Variants in FHOD3 observed in about 807,000 individuals in gnomAD.
FHOD3 encodes the protein FH1/FH2 domain-containing protein 3.
A neutral mutation model predicts 173.0 loss-of-function variants in FHOD3; 90 were observed. That is an observed-to-expected ratio of 0.52 (90% CI 0.44 to 0.62). The LOEUF (loss-of-function observed/expected upper bound fraction) is 0.62, where lower values mean the gene tolerates loss of function less well. FHOD3 is among the 20% of genes least tolerant of loss of function. The pLI, the probability that FHOD3 is intolerant of heterozygous loss-of-function variation, is 0.00. For synonymous variants in FHOD3, 828 were observed against 823.0 expected (o/e 1.01, Z -0.10); for missense variants, 1,945 against 2,034.7 (o/e 0.96, Z 0.85).
chr18:36,455,546 G>A (rs2052140806), intron 3 of FHOD3, among the ~76,000 whole-genome samples: 1 of 148,068 alleles, frequency 6.8e-6, no homozygotes, highest in Non-Finnish European at 1.5e-5. Context: ...CATTTAGACA[G>A]ATGTCGGCAA....
chr18:36,715,882 T>C (rs4799428), intron 18 of FHOD3, among the ~76,000 whole-genome samples: 2,238 of 152,192 alleles, frequency 0.015, 22 homozygotes, highest in Middle Eastern at 0.031. Context: ...ATTAACTAGG[T>C]GTAGTTTATC....
chr18:36,342,840 A>G (rs2045691301), intron 1 of FHOD3, among the ~76,000 whole-genome samples: 1 of 152,206 alleles, frequency 6.6e-6, no homozygotes, highest in Non-Finnish European at 1.5e-5. Flanking sequence ...GACCAATAGC[A>G]CAATTTTAAA....
intron 1 of FHOD3, among the ~76,000 whole-genome samples, chr18:36,344,884 G>C (rs1289544928): frequency 6.6e-6 from 1 of 152,172 alleles, no homozygotes; most frequent in African/African-American, 2.4e-5. Context: ...TAGCATGCCT[G>C]TATTAATAAC....
rs113831893 is a variant in FHOD3, at chr18:36,470,760, G to A, written c.338-31172G>A. Among the ~76,000 whole-genome samples, 209 of 152,356 alleles carry A rather than the reference G, an allele frequency of 1.4e-3. 5 individuals carry two copies. The highest frequency in any genetic ancestry group is 1.1e-3 in the Admixed American group (17 of 15,308). ...CAGGCTCAGCTCAGATTCCCGCTCCGCGCTGGGATATTGAAGTCCTCACTG... is the reference window on the plus strand; with the variant it reads ...CAGGCTCAGCTCAGATTCCCGCTCCACGCTGGGATATTGAAGTCCTCACTG... On this transcript the variant is annotated intron_variant, in intron 3 of 28. Coordinates refer to ENST00000590592, the MANE Select transcript of FHOD3 (RefSeq NM_001281740.3).
intron 10 of FHOD3, among the ~76,000 whole-genome samples, chr18:36,639,473 C>CCATCCTGGCTAA (rs889759910): frequency 6.6e-5 from 10 of 152,034 alleles, no homozygotes; most frequent in Non-Finnish European, 1.0e-4. Flanking sequence ...GAGATCAAGA[C>CCATCCTGGCTAA]CATGGTGAAA....
At position 36,652,471 on chromosome 18, in the gene FHOD3, C is replaced by T. The variant is rs896024207; in HGVS notation, c.1287-99C>T. Reference sequence around the variant, plus strand: ...GACTTTGAAGTGAGTGATAATAGTACAGAAGTGGCTTTTTGCCTGTCTCTC... The same window carrying T: ...GACTTTGAAGTGAGTGATAATAGTATAGAAGTGGCTTTTTGCCTGTCTCTC... On this transcript the variant is annotated intron_variant, in intron 11 of 28. Coordinates refer to ENST00000590592, the MANE Select transcript of FHOD3 (RefSeq NM_001281740.3). 5.9e-6 allele frequency: 8 copies of T among 1,359,934 alleles called. No individual in the cohort carries two copies. In the African/African-American group the frequency reaches 1.2e-4, roughly 20 times the overall value. The allele number at this position is 1,359,934 out of a possible 1,614,324, so 84.2% of individuals were successfully genotyped here.
intron 5 of FHOD3, among the ~76,000 whole-genome samples, chr18:36,516,456 G>A (rs1186078698): frequency 6.6e-6 from 1 of 152,216 alleles, no homozygotes; most frequent in Non-Finnish European, 1.5e-5. Flanking sequence ...GAAGCTCAGA[G>A]TGGCTCTGGA....
chr18:36,505,311 T>C (rs1162325700), intron 4 of FHOD3, among the ~76,000 whole-genome samples: 1 of 152,240 alleles, frequency 6.6e-6, no homozygotes, highest in East Asian at 1.9e-4. Context: ...GTGGCGTAAG[T>C]GTGAACTGTC....
intron 3 of FHOD3, among the ~76,000 whole-genome samples, chr18:36,500,813 G>T (rs1039818735): frequency 1.3e-5 from 2 of 152,210 alleles, no homozygotes; most frequent in Non-Finnish European, 2.9e-5. Context: ...CAGGTTCTCA[G>T]TAAACATGCG....
chr18:36,422,869 G>A (rs543065944), intron 3 of FHOD3, among the ~76,000 whole-genome samples: 6 of 152,290 alleles, frequency 3.9e-5, no homozygotes, highest in African/African-American at 1.2e-4. Flanking sequence ...TGAGCAATCA[G>A]CTGAAAATTT....
chr18:36,385,491 G>T (rs2047985853), intron 3 of FHOD3, among the ~76,000 whole-genome samples: 1 of 152,088 alleles, frequency 6.6e-6, no homozygotes, highest in African/African-American at 2.4e-5. Flanking sequence ...CCACCTCCCA[G>T]GTTCAAGTGA....
chr18:36,633,526 A>G lies in FHOD3; in HGVS notation c.1196+7777A>G, dbSNP rs540311091. On this transcript the variant is annotated intron_variant, in intron 10 of 28. Transcript: ENST00000590592. ...CAATTTTACATGTATTGTAAATTCC[A>G]TGAAGAAGGTAGGAGTATCGTCCCC... Among the ~76,000 whole-genome samples, 13 of 152,292 alleles carry G rather than the reference A, an allele frequency of 8.5e-5. No homozygotes were observed. The East Asian group carries it at 1.2e-3, about 14-fold the overall frequency.
intron 9 of FHOD3, among the ~76,000 whole-genome samples, chr18:36,623,444 C>T (rs2033862639): frequency 6.6e-6 from 1 of 152,128 alleles, no homozygotes; most frequent in Admixed American, 6.5e-5. Flanking sequence ...AAAATGCTGT[C>T]CTTTGTTAGG....
chr18:36,602,812 A>G (rs1357732023), intron 8 of FHOD3, 44 bp downstream of exon 8: 1 of 1,441,216 alleles, frequency 6.9e-7, no homozygotes, highest in Admixed American at 1.7e-5. Context: ...ACCTAAAAAG[A>G]TATGTTAAAG....
intron 1 of FHOD3, among the ~76,000 whole-genome samples, chr18:36,330,362 T>TG (rs2044924290): frequency 6.6e-6 from 1 of 152,246 alleles, no homozygotes. Flanking sequence ...GAAAGCATTC[T>TG]GAGCACTGTC....
chr18:36,364,280 A>G (rs2046781084), intron 2 of FHOD3, among the ~76,000 whole-genome samples: 1 of 152,178 alleles, frequency 6.6e-6, no homozygotes, highest in Admixed American at 6.5e-5. Flanking sequence ...TGGAACTGTA[A>G]AATAGCTATA....
chr18:36,592,040 A>G (rs4799873), intron 6 of FHOD3, among the ~76,000 whole-genome samples: 151,277 of 152,360 alleles, frequency 0.99, 75,115 homozygotes, highest in Non-Finnish European at 1. Context: ...CCAACATGGC[A>G]AAACACCTTT....
chr18:36,646,415 A>G (rs934362600), intron 10 of FHOD3, among the ~76,000 whole-genome samples: 1 of 152,232 alleles, frequency 6.6e-6, no homozygotes, highest in Non-Finnish European at 1.5e-5. Flanking sequence ...TATCACAACC[A>G]TAGATTAAAA....
At chr18:36,733,158 C>T (rs2041458429) in intron 20 of FHOD3, among the ~76,000 whole-genome samples, 1 of 152,220 alleles carries the variant, frequency 6.6e-6, no homozygotes, top group African/African-American at 2.4e-5. Context: ...TTGTTATTTG[C>T]TCTTTTGCTG....
Sources: gnomAD v4.1 joint callset for allele counts (sites outside exome capture counted in the v4.1 genomes callset) on GRCh38, gnomAD v4.1.1 for gene constraint, MANE v1.5 for transcripts, NCBI Gene and HGNC (gene_info 2026-07-23, HGNC 2026-07-21) for gene names.